Variants in MTTP observed in about 807,000 individuals in gnomAD.
MTTP encodes the protein microsomal triglyceride transfer protein.
In MTTP, 49 loss-of-function variants were observed where a neutral mutation model predicts 90.6. That is an observed-to-expected ratio of 0.54 (90% CI 0.43 to 0.69). The LOEUF is 0.69. Ranked by LOEUF, MTTP falls within the 30% of genes least tolerant of loss-of-function variation. The probability of loss-of-function intolerance (pLI) is 0.00; values close to 1 mark genes in which losing one functional copy is unlikely to be tolerated. For synonymous variants in MTTP, 347 were observed against 384.2 expected (o/e 0.90, Z 1.13); for missense variants, 945 against 1,067.5 (o/e 0.89, Z 1.60).
intron 7 of MTTP, among the ~76,000 whole-genome samples, chr4:99,596,254 T>C (rs562017460): frequency 1.3e-5 from 2 of 152,238 alleles, no homozygotes; most frequent in Non-Finnish European, 2.9e-5. Flanking sequence ...AAGTTATTAC[T>C]ATAGAGTTAG....
chr4:99,611,075 T>C (rs1448700447), intron 12 of MTTP, 68 bp from the exon 13 acceptor site: 7 of 1,528,830 alleles, frequency 4.6e-6, no homozygotes, highest in Admixed American at 1.7e-5. Flanking sequence ...ATTTTTTTTT[T>C]CCAAATTTGA....
rs1218525016 is a variant in MTTP, at chr4:99,564,183, TC to T, written c.-153del. Reference sequence around the variant, plus strand: ...GGTAGTTACAGTGATGTCTGTTTTTTCCCGTTCAAGAATTAAGTGTGTACCT... The same window carrying T: ...GGTAGTTACAGTGATGTCTGTTTTTTCCGTTCAAGAATTAAGTGTGTACCT... On this transcript the variant is annotated 5_prime_UTR_variant, in exon 1 of 19. Coordinates refer to the MTTP transcript ENST00000457717. 3 of 1,535,624 alleles carry T rather than the reference TC, an allele frequency of 2.0e-6. No homozygotes were observed. The East Asian group carries it at 7.3e-5, about 38-fold the overall frequency.
At chr4:99,609,752 A>C (rs1475912247) in intron 12 of MTTP, among the ~76,000 whole-genome samples, 1 of 152,228 alleles carries the variant, frequency 6.6e-6, no homozygotes, top group East Asian at 1.9e-4. Flanking sequence ...AGGAAGACAT[A>C]AGAAACGGGT....
chr4:99,622,622 T>C lies in MTTP; in HGVS notation c.2514-55T>C, dbSNP rs1726264406. ...ACATTCAGTAACTTGGCTGGAGAGG[T>C]ATAGGGTGACTTAACTGTGTGTGTA... On this transcript the variant is annotated intron_variant, in intron 17 of 17. Coordinates refer to ENST00000265517, the MANE Select transcript of MTTP (RefSeq NM_001386140.1). The C allele has an allele frequency of 1.7e-5, 27 of 1,576,860 alleles. No individual in the cohort carries two copies. The South Asian group carries it at 3.0e-4, about 18-fold the overall frequency.
chr4:99,600,495 TGAATGGTAGA>T lies in MTTP; in HGVS notation c.1068-67_1068-58del. The T allele has an allele frequency of 2.8e-6, 4 of 1,454,518 alleles. No individual in the cohort carries two copies. In the South Asian group the frequency reaches 4.6e-5, roughly 17 times the overall value. The allele number at this position is 1,454,518 out of a possible 1,614,324, so 90.1% of individuals were successfully genotyped here. Reference sequence around the variant, plus strand: ...AAAACTCAAACCAATAGAAACTCTGTGAATGGTAGAGATTTTTAAGTATTCCTTCCCCTAA... The same window carrying T: ...AAAACTCAAACCAATAGAAACTCTGTGATTTTTAAGTATTCCTTCCCCTAA... On this transcript the variant is annotated intron_variant, in intron 8 of 17. Transcript: ENST00000265517.
rs982328100 is a variant in MTTP, at chr4:99,606,965, A to C, written c.1557+5A>C. The C allele has an allele frequency of 1.2e-6, 2 of 1,610,706 alleles. No individual in the cohort carries two copies. The highest frequency in any genetic ancestry group is 2.2e-5 in the East Asian group (1 of 44,804). Reference sequence around the variant, plus strand: ...CTCCCTTTCATAACTGATGAGGTAAAATCTCCAAGAATATTTGCAACATTT... The same window carrying C: ...CTCCCTTTCATAACTGATGAGGTAACATCTCCAAGAATATTTGCAACATTT... On this transcript the variant is annotated splice_donor_5th_base_variant and intron_variant, in intron 11 of 17. Coordinates refer to ENST00000265517, the MANE Select transcript of MTTP (RefSeq NM_001386140.1).
At chr4:99,575,047 TTTGTGTGA>T in intron 1 of MTTP, 77 bp downstream of exon 1, 1 of 1,460,042 alleles carries the variant, frequency 6.8e-7, no homozygotes, top group South Asian at 1.1e-5. Flanking sequence ...TGTGTGTGTG[TTTGTGTGA>T]GTGAATAGTG....
chr4:99,608,916 G>T lies in MTTP; in HGVS notation c.1708G>T (p.Glu570Ter), dbSNP rs2110230260. 1.2e-6 allele frequency: 2 copies of T among 1,614,112 alleles called. No individual in the cohort carries two copies. Among genetic ancestry groups the T allele is most frequent in the Non-Finnish European group, 1.7e-6 (2 of 1,180,002 alleles). ...GCTGTCTATTGGGGAGCTTCCCCAA[G>T]AAATGAATAAATACATGCTCGCCAT... ...ILLSIGELPQ[E>*]MNKYMLAIVQ... is the part of the protein sequence containing the mutation. Residue 570 changes from glutamate to a stop codon, truncating the protein, a stop_gained, in exon 12 of 18, where the codon GAA becomes TAA. Coordinates refer to ENST00000265517, the MANE Select transcript of MTTP (RefSeq NM_001386140.1). LOFTEE classifies it high-confidence loss of function.
At position 99,623,639 on chromosome 4, in the gene MTTP, C is replaced by T. The variant is rs1446481087; in HGVS notation, c.*791C>T. ...CTTTTTGAGACTGTAATATGGTACA[C>T]TGTCCTCTAAGGGACATCCTCATTT... On this transcript the variant is annotated 3_prime_UTR_variant, in exon 18 of 18. Coordinates refer to ENST00000265517, the MANE Select transcript of MTTP (RefSeq NM_001386140.1). 6.6e-6 allele frequency: 1 copy of T among 152,326 alleles called. No individual in the cohort carries two copies. Among genetic ancestry groups the T allele is most frequent in the Non-Finnish European group, 1.5e-5 (1 of 68,148 alleles). The allele number at this position is 152,326 out of a possible 1,614,324, so 9.4% of individuals were successfully genotyped here. A position where few individuals can be genotyped will look rare whatever the true frequency, so the allele number is the denominator to read the frequency against.
intron 3 of MTTP, among the ~76,000 whole-genome samples, chr4:99,587,985 G>A (rs1430480784): frequency 2.0e-5 from 3 of 151,912 alleles, no homozygotes; most frequent in East Asian, 1.9e-4. Context: ...TTTCTAAGTC[G>A]GACAAACACT....
chr4:99,570,426 C>T (rs1001095363), upstream of MTTP, among the ~76,000 whole-genome samples: 7 of 151,758 alleles, frequency 4.6e-5, no homozygotes, highest in Non-Finnish European at 1.0e-4. Flanking sequence ...CTATCTAGTT[C>T]CTTTAAATAT....
At chr4:99,614,017 C>T (rs1415071051) in intron 15 of MTTP, among the ~76,000 whole-genome samples, 2 of 152,120 alleles carry the variant, frequency 1.3e-5, no homozygotes, top group Non-Finnish European at 2.9e-5. Context: ...TATGAGGAAT[C>T]AAAGTGATCA....
chr4:99,595,658 G>A (rs535229044), intron 7 of MTTP: 1 of 152,142 alleles, frequency 6.6e-6, no homozygotes, highest in South Asian at 2.1e-4. Flanking sequence ...GTACAAGACA[G>A]TAATTGCTTA....
At chr4:99,588,415 G>C (rs986237157) in intron 3 of MTTP, among the ~76,000 whole-genome samples, 27 of 152,064 alleles carry the variant, frequency 1.8e-4, no homozygotes, top group Non-Finnish European at 3.2e-4. Flanking sequence ...AAACCAACAA[G>C]CTGATTTTCA....
In MTTP at chr4:99,621,126, C is replaced by T. The variant is rs1726218363; in HGVS notation, c.2408C>T (p.Thr803Ile). The change falls in exon 17 of 18, where the codon ACC becomes ATC. Residue 803 changes from threonine to isoleucine, a missense_variant. By Grantham distance (89) the Thr-to-Ile change is moderately conservative. Transcript: ENST00000265517. ...TCTTTTGTGAAAGCTGGCCTGGAAA[C>T]CAGTACAGAAACAGAAGCAGGCTTG... Reference protein sequence around the residue: ...DSSFVKAGLETSTETEAGLEF... With the variant: ...DSSFVKAGLEISTETEAGLEF... 1.2e-6 allele frequency: 2 copies of T among 1,614,030 alleles called. No individual in the cohort carries two copies. The highest frequency in any genetic ancestry group is 1.7e-6 in the Non-Finnish European group (2 of 1,179,954).
chr4:99,608,789 A>AT lies in MTTP; in HGVS notation c.1582dup (p.Tyr528LeufsTer6). 6.2e-7 allele frequency: 1 copy of AT among 1,614,130 alleles called. No homozygotes were observed. The highest frequency in any genetic ancestry group is 8.5e-7 in the Non-Finnish European group (1 of 1,179,978). On this transcript the variant is annotated frameshift_variant, in exon 12 of 18. Coordinates refer to ENST00000265517, the MANE Select transcript of MTTP (RefSeq NM_001386140.1). LOFTEE classifies it high-confidence loss of function. Reference sequence around the variant, plus strand: ...AGGTGAAGAAGACCTTAAACAGAATATACCACCAAAACCGTAAAGTTCATG... The same window carrying AT: ...AGGTGAAGAAGACCTTAAACAGAATATTACCACCAAAACCGTAAAGTTCATG...
At chr4:99,590,241 G>A (rs112768497) in intron 4 of MTTP, among the ~76,000 whole-genome samples, 10 of 152,120 alleles carry the variant, frequency 6.6e-5, no homozygotes, top group East Asian at 3.9e-4. Flanking sequence ...GATTACAGGC[G>A]TGTGCCACCA....
At chr4:99,583,853 AG>A in intron 3 of MTTP, 1 of 464,054 alleles carries the variant, frequency 2.2e-6, no homozygotes, top group South Asian at 2.9e-5. Context: ...AAGTCATCAA[AG>A]CATGATTGGA....
chr4:99,600,507 A>G, intron 8 of MTTP, 58 bp from the exon 9 acceptor site: 4 of 1,525,224 alleles, frequency 2.6e-6, no homozygotes, highest in Non-Finnish European at 2.7e-6. Context: ...AATGGTAGAG[A>G]TTTTTAAGTA....
Sources: gnomAD v4.1 joint callset for allele counts (sites outside exome capture counted in the v4.1 genomes callset) on GRCh38, gnomAD v4.1.1 for gene constraint, MANE v1.5 for transcripts, NCBI Gene and HGNC (gene_info 2026-07-23, HGNC 2026-07-21) for gene names.